Variants in ARHGEF3 observed in about 807,000 individuals in gnomAD.
ARHGEF3 encodes the protein 59.8 kDA protein.
Under a neutral mutation model 63.2 loss-of-function variants are expected in ARHGEF3, and 28 were observed. The ratio of observed to expected loss-of-function variants is 0.44; its 90% confidence interval spans 0.33 to 0.61. The LOEUF (loss-of-function observed/expected upper bound fraction) is 0.61. ARHGEF3 is among the 20% of genes least tolerant of loss of function. The pLI, the probability that ARHGEF3 is intolerant of heterozygous loss-of-function variation, is 0.03. For synonymous variants in ARHGEF3, 266 were observed against 254.2 expected (o/e 1.05, Z -0.44); for missense variants, 533 against 659.3 (o/e 0.81, Z 2.10).
intron 3 of ARHGEF3, among the ~76,000 whole-genome samples, chr3:56,946,029 G>C (rs964904936): frequency 1.3e-5 from 2 of 152,116 alleles, no homozygotes; most frequent in East Asian, 3.9e-4. Flanking sequence ...GTCTGGAGTG[G>C]ACCTCCAGCA....
chr3:56,882,948 A>C (rs2040818447), intron 3 of ARHGEF3, among the ~76,000 whole-genome samples: 1 of 152,172 alleles, frequency 6.6e-6, no homozygotes, highest in Non-Finnish European at 1.5e-5. Flanking sequence ...TTTTTTCTAA[A>C]TGTCTCCATA....
chr3:56,995,668 A>AGAGAGAGAGAGAGG (rs1560116656), intron 2 of ARHGEF3, among the ~76,000 whole-genome samples: 49 of 133,198 alleles, frequency 3.7e-4, no homozygotes, highest in Non-Finnish European at 6.2e-4. Flanking sequence ...AGAGAGAGAG[A>AGAGAGAGAGAGAGG]GAGAATTTTT....
In ARHGEF3 at chr3:56,729,210, G is replaced by T; in HGVS notation, c.*60C>A. ...TGCTTCTCCAAACCGTTCCATCTGT[G>T]GAATGCAAATACTGTACAGGTAAGA... On this transcript the variant is annotated 3_prime_UTR_variant, in exon 10 of 10. Coordinates refer to ENST00000296315, the MANE Select transcript of ARHGEF3 (RefSeq NM_019555.3). 1 of 1,451,152 alleles carries T rather than the reference G, an allele frequency of 6.9e-7. No homozygotes were observed. The highest frequency in any genetic ancestry group is 9.4e-7 in the Non-Finnish European group (1 of 1,068,304). 89.9% of individuals were successfully genotyped at this position (1,451,152 alleles called of 1,614,324 possible).
At chr3:57,012,735 C>T (rs1702753009) in intron 2 of ARHGEF3, among the ~76,000 whole-genome samples, 2 of 152,226 alleles carry the variant, frequency 1.3e-5, no homozygotes, top group Admixed American at 1.3e-4. Flanking sequence ...GTGCTGGCAG[C>T]CGTTGCTCGC....
At chr3:57,041,117 T>C (rs1213282638) in intron 1 of ARHGEF3, among the ~76,000 whole-genome samples, 1 of 152,222 alleles carries the variant, frequency 6.6e-6, no homozygotes, top group Non-Finnish European at 1.5e-5. Flanking sequence ...TGCAAGTGTC[T>C]CAAAAGCAGA....
At chr3:56,793,373 G>GTATT (rs1559944719) in intron 1 of ARHGEF3, among the ~76,000 whole-genome samples, 1 of 152,134 alleles carries the variant, frequency 6.6e-6, no homozygotes, top group Non-Finnish European at 1.5e-5. Flanking sequence ...GTTTCACCGC[G>GTATT]TTAGCCAGGA....
At chr3:56,857,752 T>A (rs1236672710) in intron 4 of ARHGEF3, among the ~76,000 whole-genome samples, 1 of 152,162 alleles carries the variant, frequency 6.6e-6, no homozygotes, top group African/African-American at 2.4e-5. Context: ...TCTTTGGTTC[T>A]TTTTTAGGAA....
chr3:56,905,824 G>A (rs1307640824), intron 3 of ARHGEF3, among the ~76,000 whole-genome samples: 5 of 152,176 alleles, frequency 3.3e-5, no homozygotes, highest in Non-Finnish European at 1.5e-5. Flanking sequence ...CTAGAGTTGT[G>A]CTGTCCAATA....
intron 1 of ARHGEF3, chr3:57,060,311 A>C (rs1705152991): frequency 6.6e-6 from 1 of 152,206 alleles, no homozygotes; most frequent in Non-Finnish European, 1.5e-5. Context: ...CAAAAAAAAA[A>C]AAAAAAGGAA....
intron 3 of ARHGEF3, among the ~76,000 whole-genome samples, chr3:56,884,899 G>A (rs576249644): frequency 1.3e-5 from 2 of 152,324 alleles, no homozygotes; most frequent in Admixed American, 6.5e-5. Flanking sequence ...ACTGAGGTCA[G>A]GAGAGAGAAG....
At chr3:57,014,640 T>C (rs185301330) in intron 2 of ARHGEF3, among the ~76,000 whole-genome samples, 19 of 152,026 alleles carry the variant, frequency 1.2e-4, no homozygotes, top group Admixed American at 3.3e-4. Context: ...ACAGTTAACA[T>C]AGAAAGTAAA....
chr3:56,851,033 C>T (rs984962794), intron 4 of ARHGEF3, among the ~76,000 whole-genome samples: 9 of 152,056 alleles, frequency 5.9e-5, no homozygotes, highest in African/African-American at 1.7e-4. Context: ...ATCTCTTCAC[C>T]GGTTTACCAC....
intron 4 of ARHGEF3, among the ~76,000 whole-genome samples, chr3:56,876,605 G>C (rs1321425926): frequency 6.6e-6 from 1 of 152,142 alleles, no homozygotes; most frequent in East Asian, 1.9e-4. Flanking sequence ...ACTGAGAGCT[G>C]TGAGCACATT....
At chr3:56,903,469 A>G (rs2041589062) in intron 3 of ARHGEF3, among the ~76,000 whole-genome samples, 1 of 152,236 alleles carries the variant, frequency 6.6e-6, no homozygotes, top group Non-Finnish European at 1.5e-5. Context: ...ACAGCAAAGG[A>G]CTGGAAATAA....
chr3:56,830,120 A>G (rs1183466512), intron 4 of ARHGEF3, among the ~76,000 whole-genome samples: 1 of 152,204 alleles, frequency 6.6e-6, no homozygotes, highest in Non-Finnish European at 1.5e-5. Flanking sequence ...CAATACAAGT[A>G]GTATAGCTTG....
chr3:56,950,680 G>A (rs1699761313), intron 3 of ARHGEF3, among the ~76,000 whole-genome samples: 9 of 152,040 alleles, frequency 5.9e-5, no homozygotes, highest in Admixed American at 5.9e-4. Flanking sequence ...CACTGTTGGT[G>A]GGACTGTAAA....
intron 2 of ARHGEF3, among the ~76,000 whole-genome samples, chr3:56,765,847 TATAAC>T (rs1427791317): frequency 6.6e-6 from 1 of 152,152 alleles, no homozygotes; most frequent in Admixed American, 6.5e-5. Flanking sequence ...AAAATTCAAG[TATAAC>T]AGAAATATAT....
intron 4 of ARHGEF3, among the ~76,000 whole-genome samples, chr3:56,867,621 C>A (rs987880464): frequency 6.6e-6 from 1 of 152,042 alleles, no homozygotes; most frequent in Non-Finnish European, 1.5e-5. Context: ...CACAGGCACA[C>A]CACCATGCCT....
intron 4 of ARHGEF3, among the ~76,000 whole-genome samples, chr3:56,846,556 A>C (rs187925768): frequency 6.6e-6 from 1 of 152,206 alleles, no homozygotes; most frequent in Non-Finnish European, 1.5e-5. Flanking sequence ...CAAAAGGGGC[A>C]CATTTGTATA....
Sources: gnomAD v4.1 joint callset for allele counts (sites outside exome capture counted in the v4.1 genomes callset) on GRCh38, gnomAD v4.1.1 for gene constraint, MANE v1.5 for transcripts, NCBI Gene and HGNC (gene_info 2026-07-23, HGNC 2026-07-21) for gene names.